The following GRIA4 variants were observed in gnomAD, a reference collection of about 807,000 sequenced individuals.
GRIA4 encodes the protein glutamate receptor 4.
In GRIA4, 34 loss-of-function variants were observed where a neutral mutation model predicts 104.0. The observed-to-expected ratio is 0.33, with a 90% CI of 0.25 to 0.44. GRIA4 has a LOEUF of 0.44. Among genes scored for constraint, GRIA4 ranks in the 20% least tolerant of loss-of-function variants. GRIA4 has a pLI of 1.00. For synonymous variants in GRIA4, 386 were observed against 381.9 expected, an observed-to-expected ratio of 1.01 and a Z score of -0.13; for missense variants, 750 against 1,096.5, an observed-to-expected ratio of 0.68 and a Z score of 4.46.
intron 6 of GRIA4, 148 bp from the exon 7 acceptor site, chr11:105,898,121 C>G (rs2136127919): frequency 2.1e-6 from 1 of 468,412 alleles, no homozygotes; most frequent in African/African-American, 2.0e-5. Flanking sequence ...TTAGATTTTC[C>G]ACATCTTTTA....
chr11:105,728,033 C>T (rs1237461821), intron 3 of GRIA4, among the ~76,000 whole-genome samples: 2 of 152,148 alleles, frequency 1.3e-5, no homozygotes, highest in Non-Finnish European at 2.9e-5. Context: ...ACAACGTTAA[C>T]CTTTAATGTA....
At chr11:105,855,005 C>G (rs1482024898) in intron 4 of GRIA4, among the ~76,000 whole-genome samples, 1 of 152,160 alleles carries the variant, frequency 6.6e-6, no homozygotes, top group Non-Finnish European at 1.5e-5. Context: ...ACTAATAAAG[C>G]ATAATGTAGT....
intron 3 of GRIA4, 41 bp from the exon 4 acceptor site, chr11:105,752,940 G>T (rs774307529): frequency 3.2e-6 from 5 of 1,581,838 alleles, no homozygotes; most frequent in Non-Finnish European, 4.3e-6. Flanking sequence ...AACAATTTGA[G>T]TGTGCTAATA....
At chr11:105,891,206 C>A (rs1946442990) in intron 6 of GRIA4, among the ~76,000 whole-genome samples, 1 of 152,050 alleles carries the variant, frequency 6.6e-6, no homozygotes. Flanking sequence ...TTGATTGGCC[C>A]CAGGCTGCAA....
intron 5 of GRIA4, among the ~76,000 whole-genome samples, chr11:105,878,019 G>A (rs1159926103): frequency 7.2e-5 from 11 of 152,122 alleles, no homozygotes; most frequent in Non-Finnish European, 1.2e-4. Context: ...CAGCCTTTTT[G>A]CACTGGTTTT....
At chr11:105,627,887 C>T (rs749557662) in intron 3 of GRIA4, among the ~76,000 whole-genome samples, 8 of 152,062 alleles carry the variant, frequency 5.3e-5, no homozygotes, top group African/African-American at 1.2e-4. Flanking sequence ...ATCAAGCATC[C>T]GCCGCCTTTT....
At chr11:105,624,452 T>G (rs1005519741) in intron 3 of GRIA4, among the ~76,000 whole-genome samples, 2 of 152,130 alleles carry the variant, frequency 1.3e-5, no homozygotes, top group Admixed American at 1.3e-4. Context: ...ACTAGGAAGC[T>G]CTTGGAAAGA....
intron 4 of GRIA4, among the ~76,000 whole-genome samples, chr11:105,755,712 T>C (rs1940267024): frequency 6.6e-6 from 1 of 152,198 alleles, no homozygotes; most frequent in South Asian, 2.1e-4. Flanking sequence ...GTAGAGCAGG[T>C]AGTTCTTACT....
At chr11:105,966,073 T>C (rs1244895022) in intron 14 of GRIA4, 1 of 1,560,148 alleles carries the variant, frequency 6.4e-7, no homozygotes, top group Non-Finnish European at 8.8e-7. Flanking sequence ...TTAGCCTCAA[T>C]GTCACCAAAA....
chr11:105,761,206 A>G (rs1940628032), intron 4 of GRIA4, among the ~76,000 whole-genome samples: 2 of 152,058 alleles, frequency 1.3e-5, no homozygotes, highest in South Asian at 4.1e-4. Context: ...CCATTTTTAG[A>G]TTAGGTAATG....
intron 3 of GRIA4, among the ~76,000 whole-genome samples, chr11:105,625,746 T>A (rs1405577689): frequency 6.6e-6 from 1 of 152,120 alleles, no homozygotes; most frequent in Non-Finnish European, 1.5e-5. Flanking sequence ...ATGTGGGTCT[T>A]AATTATTCAG....
At chr11:105,753,523 T>C (rs1029985228) in intron 4 of GRIA4, among the ~76,000 whole-genome samples, 1 of 152,158 alleles carries the variant, frequency 6.6e-6, no homozygotes, top group African/African-American at 2.4e-5. Context: ...CAAAAAATAG[T>C]TCTGTGACCT....
chr11:105,647,569 A>C (rs1951563828), intron 3 of GRIA4, among the ~76,000 whole-genome samples: 1 of 152,190 alleles, frequency 6.6e-6, no homozygotes, highest in South Asian at 2.1e-4. Flanking sequence ...CAGACTGGAT[A>C]AAGAAAAATG....
intron 3 of GRIA4, among the ~76,000 whole-genome samples, chr11:105,634,484 A>AGAAAGG (rs1555085834): frequency 8.7e-4 from 54 of 61,788 alleles, no homozygotes; most frequent in African/African-American, 2.6e-3. Flanking sequence ...AAAGAAAGAA[A>AGAAAGG]GAAAGAAAGA....
chr11:105,817,970 A>T (rs951691766), intron 4 of GRIA4, among the ~76,000 whole-genome samples: 1 of 152,138 alleles, frequency 6.6e-6, no homozygotes, highest in African/African-American at 2.4e-5. Flanking sequence ...GAGCAGAGAT[A>T]AAAATGCTGT....
chr11:105,918,016 C>G (rs1280121701), intron 10 of GRIA4, among the ~76,000 whole-genome samples: 1 of 152,074 alleles, frequency 6.6e-6, no homozygotes, highest in Non-Finnish European at 1.5e-5. Context: ...GGAAAATTAT[C>G]AGCATCACTA....
At chr11:105,976,649 G>A (rs562690645) in intron 16 of GRIA4, among the ~76,000 whole-genome samples, 26 of 152,110 alleles carry the variant, frequency 1.7e-4, no homozygotes, top group Non-Finnish European at 3.1e-4. Flanking sequence ...TTATGGAAAT[G>A]ATTGGTAATT....
At chr11:105,742,157 G>C (rs1400299052) in intron 3 of GRIA4, among the ~76,000 whole-genome samples, 1 of 152,080 alleles carries the variant, frequency 6.6e-6, no homozygotes, top group African/African-American at 2.4e-5. Context: ...CAGTTTATAA[G>C]CTACTTCATG....
At chr11:105,788,824 G>T (rs573748675) in intron 4 of GRIA4, among the ~76,000 whole-genome samples, 44 of 152,208 alleles carry the variant, frequency 2.9e-4, no homozygotes, top group Middle Eastern at 3.4e-3. Flanking sequence ...GGACTGGTTG[G>T]ATGAAAACCC....
Sources: gnomAD v4.1 joint callset for allele counts (sites outside exome capture counted in the v4.1 genomes callset) on GRCh38, gnomAD v4.1.1 for gene constraint, MANE v1.5 for transcripts, NCBI Gene and HGNC (gene_info 2026-07-23, HGNC 2026-07-21) for gene names.